EPB41L2: variants seen among roughly 807,000 people sequenced by gnomAD.
EPB41L2 encodes the protein band 4.1-like protein 2.
A neutral mutation model predicts 113.0 loss-of-function variants in EPB41L2; 43 were observed. The observed-to-expected ratio is 0.38, with a 90% CI of 0.30 to 0.49. The LOEUF is 0.49. Among genes scored for constraint, EPB41L2 ranks in the 20% least tolerant of loss-of-function variants. The pLI, the probability that EPB41L2 is intolerant of heterozygous loss-of-function variation, is 0.95. For missense variants in EPB41L2, 1,147 were observed against 1,223.4 expected (o/e 0.94, Z 0.93); for synonymous variants, 442 against 436.7 (o/e 1.01, Z -0.15).
At chr6:130,958,539 T>C (rs1375307970) in intron 1 of EPB41L2, among the ~76,000 whole-genome samples, 3 of 151,016 alleles carry the variant, frequency 2.0e-5, no homozygotes, top group Admixed American at 6.6e-5. Flanking sequence ...CAGGCAGGCG[T>C]TTCTGCAGAA....
chr6:130,970,628 A>T (rs1776542599), intron 1 of EPB41L2: 1 of 152,132 alleles, frequency 6.6e-6, no homozygotes, highest in Non-Finnish European at 1.5e-5. Flanking sequence ...TTTCTCATTT[A>T]GTTTTCCTGG....
At chr6:130,898,111 A>C (rs964407171) in intron 8 of EPB41L2, among the ~76,000 whole-genome samples, 7 of 151,680 alleles carry the variant, frequency 4.6e-5, no homozygotes, top group African/African-American at 1.7e-4. Context: ...TAAAAAAAAA[A>C]AAAGAAAAGA....
chr6:130,883,839 C>T (rs948663620), intron 12 of EPB41L2, among the ~76,000 whole-genome samples: 1 of 152,204 alleles, frequency 6.6e-6, no homozygotes, highest in African/African-American at 2.4e-5. Context: ...GATGGAATGT[C>T]GATGATTTGA....
intron 1 of EPB41L2, among the ~76,000 whole-genome samples, chr6:131,013,889 CCAA>C (rs1787605835): frequency 6.6e-6 from 1 of 152,104 alleles, no homozygotes; most frequent in Non-Finnish European, 1.5e-5. Flanking sequence ...GTGTGCCACA[CCAA>C]CATTTGAAAT....
intron 3 of EPB41L2, among the ~76,000 whole-genome samples, chr6:130,931,857 A>C (rs1012507002): frequency 2.6e-5 from 4 of 152,096 alleles, no homozygotes; most frequent in African/African-American, 7.2e-5. Flanking sequence ...GAAGAAAAGT[A>C]CTGCAGTATA....
At chr6:131,052,230 C>A (rs1438956346) in intron 1 of EPB41L2, among the ~76,000 whole-genome samples, 1 of 152,162 alleles carries the variant, frequency 6.6e-6, no homozygotes, top group Non-Finnish European at 1.5e-5. Flanking sequence ...AGCCACTGCA[C>A]CCAGCCACTG....
intron 3 of EPB41L2, among the ~76,000 whole-genome samples, chr6:130,943,120 G>A (rs1232104596): frequency 6.6e-6 from 1 of 152,140 alleles, no homozygotes; most frequent in Non-Finnish European, 1.5e-5. Flanking sequence ...CCAGTAATGG[G>A]ATTGCTGGGT....
At chr6:131,034,005 C>G (rs1267562455) in intron 1 of EPB41L2, among the ~76,000 whole-genome samples, 1 of 152,122 alleles carries the variant, frequency 6.6e-6, no homozygotes, top group East Asian at 1.9e-4. Context: ...AAAAATGAAA[C>G]TGAAGGGCTA....
chr6:131,013,963 T>C (rs1191630239), intron 1 of EPB41L2: 1 of 151,866 alleles, frequency 6.6e-6, no homozygotes, highest in Non-Finnish European at 1.5e-5. Context: ...CAGGATGCAA[T>C]GGGCAACACG....
chr6:130,861,125 T>G (rs954760850), intron 18 of EPB41L2, among the ~76,000 whole-genome samples: 4 of 151,852 alleles, frequency 2.6e-5, no homozygotes, highest in Admixed American at 6.6e-5. Flanking sequence ...CAGGCTGGAG[T>G]GCAGTGGCGC....
intron 1 of EPB41L2, among the ~76,000 whole-genome samples, chr6:131,058,056 G>A (rs1797932976): frequency 6.6e-6 from 1 of 152,108 alleles, no homozygotes; most frequent in African/African-American, 2.4e-5. Flanking sequence ...AGATTATTTG[G>A]GAGACAATCT....
chr6:131,003,913 T>G (rs1317677671), intron 1 of EPB41L2, among the ~76,000 whole-genome samples: 5 of 152,324 alleles, frequency 3.3e-5, no homozygotes, highest in African/African-American at 1.2e-4. Flanking sequence ...AGCTTGAATC[T>G]CTGAGCCCAC....
rs927779079 is a variant in EPB41L2 at position 130,846,701 on chromosome 6, C to T, written c.*6-6103G>A. Among the ~76,000 whole-genome samples, 3 of 152,260 alleles carry T rather than the reference C, an allele frequency of 2.0e-5. No homozygotes were observed. In the East Asian group the frequency reaches 5.8e-4, roughly 29 times the overall value. ...TTAAGGCCCAAGTCCCATCTTCAGGCCTTTTGGGACTGGGTTGACCTTCCT... is the reference window on the plus strand; with the variant it reads ...TTAAGGCCCAAGTCCCATCTTCAGGTCTTTTGGGACTGGGTTGACCTTCCT... On this transcript the variant is annotated intron_variant, in intron 19 of 19. Coordinates refer to ENST00000337057, the MANE Select transcript of EPB41L2 (RefSeq NM_001431.4).
At chr6:130,951,846 T>C (rs1475082805) in intron 3 of EPB41L2, among the ~76,000 whole-genome samples, 4 of 151,872 alleles carry the variant, frequency 2.6e-5, no homozygotes, top group African/African-American at 9.7e-5. Flanking sequence ...TGTAGTATGG[T>C]TCTACCATGT....
At chr6:130,976,740 CT>C (rs1778285345) in intron 1 of EPB41L2, among the ~76,000 whole-genome samples, 1 of 152,214 alleles carries the variant, frequency 6.6e-6, no homozygotes, top group African/African-American at 2.4e-5. Flanking sequence ...AAAAGCACCA[CT>C]TTTTAAATTA....
intron 1 of EPB41L2, among the ~76,000 whole-genome samples, chr6:130,983,137 T>C (rs1779761217): frequency 6.6e-6 from 1 of 152,170 alleles, no homozygotes; most frequent in Non-Finnish European, 1.5e-5. Flanking sequence ...CTGTTTCCAC[T>C]CTAGTACCAT....
At chr6:130,880,033 C>A in intron 13 of EPB41L2, 111 bp downstream of exon 13, 1 of 733,008 alleles carries the variant, frequency 1.4e-6, no homozygotes, top group Non-Finnish European at 2.3e-6. Context: ...TTCCCCCATG[C>A]ACTGCATGCA....
At chr6:131,026,144 C>T (rs9388877) in intron 1 of EPB41L2, among the ~76,000 whole-genome samples, 131,060 of 152,252 alleles carry the variant, frequency 0.86, 56,974 homozygotes, top group East Asian at 1. Context: ...ATTGAGTGGA[C>T]AGGCAAGGGC....
At chr6:130,923,229 T>C (rs1478718407) in intron 4 of EPB41L2, among the ~76,000 whole-genome samples, 2 of 152,178 alleles carry the variant, frequency 1.3e-5, no homozygotes, top group East Asian at 3.9e-4. Context: ...AAGGCTACTT[T>C]TGTGCTTTGG....
Sources: gnomAD v4.1 joint callset for allele counts (sites outside exome capture counted in the v4.1 genomes callset) on GRCh38, gnomAD v4.1.1 for gene constraint, MANE v1.5 for transcripts, NCBI Gene and HGNC (gene_info 2026-07-23, HGNC 2026-07-21) for gene names.